ATF1: variants seen among roughly 807,000 people sequenced by gnomAD.
The protein encoded by ATF1 is cyclic AMP-dependent transcription factor ATF-1.
A neutral mutation model predicts 34.7 loss-of-function variants in ATF1; 16 were observed. That is an observed-to-expected ratio of 0.46 (90% confidence interval 0.31 to 0.70). ATF1 has a LOEUF of 0.70. Ranked by LOEUF, ATF1 falls within the 30% of genes least tolerant of loss-of-function variation. The pLI, the probability that ATF1 is intolerant of heterozygous loss-of-function variation, is 0.05. For synonymous variants in ATF1, 105 were observed against 113.1 expected (o/e 0.93, Z 0.46); for missense variants, 255 against 321.6 (o/e 0.79, Z 1.58).
At chr12:50,767,573 C>T (rs1017219007) in intron 1 of ATF1, among the ~76,000 whole-genome samples, 2 of 152,152 alleles carry the variant, frequency 1.3e-5, no homozygotes, top group African/African-American at 2.4e-5. Flanking sequence ...CAAGATGACC[C>T]AGCAAGCTGG....
rs756391850 is a variant in ATF1 at position 50,780,228 on chromosome 12, T to C, written c.83T>C (p.Ile28Thr). ...GTTCAGGGAGCTCACATTTCTCATA[T>C]TGCTCAACAGGTAAGGGAGGGACTG... is the stretch of plus-strand genomic sequence containing the variant. ...SAVQGAHISH[I>T]AQQVSSLSES... Residue 28 changes from isoleucine to threonine, a missense_variant, in exon 2 of 7, where the codon ATT becomes ACT. Ile to Thr is a moderately conservative substitution (Grantham distance 89, BLOSUM62 -1). Transcript: ENST00000262053. 3.7e-6 allele frequency: 6 copies of C among 1,611,778 alleles called. No homozygotes were observed. Among genetic ancestry groups the C allele is most frequent in the Non-Finnish European group, 5.1e-6 (6 of 1,178,104 alleles).
intron 2 of ATF1, among the ~76,000 whole-genome samples, chr12:50,782,365 C>T (rs998964753): frequency 2.6e-5 from 4 of 151,826 alleles, no homozygotes; most frequent in Non-Finnish European, 5.9e-5. Flanking sequence ...ACGCCATTCT[C>T]CTGCCTCAGC....
chr12:50,817,412 CAG>C (rs1941866060), intron 6 of ATF1, among the ~76,000 whole-genome samples: 2 of 152,158 alleles, frequency 1.3e-5, no homozygotes, highest in Admixed American at 1.3e-4. Flanking sequence ...CAAGTTGCAA[CAG>C]AATACACAAA....
chr12:50,768,728 A>G (rs1032042238), intron 1 of ATF1, among the ~76,000 whole-genome samples: 1 of 152,254 alleles, frequency 6.6e-6, no homozygotes, highest in Non-Finnish European at 1.5e-5. Context: ...CTTTTAGTTC[A>G]TGTAACTTTA....
chr12:50,788,605 C>T (rs1941237119), intron 2 of ATF1, among the ~76,000 whole-genome samples: 1 of 151,946 alleles, frequency 6.6e-6, no homozygotes. Flanking sequence ...GCCTTTGCCT[C>T]CTGAGTAGCT....
chr12:50,812,519 T>A (rs930393064), intron 4 of ATF1, among the ~76,000 whole-genome samples: 8 of 152,222 alleles, frequency 5.3e-5, no homozygotes, highest in African/African-American at 1.9e-4. Context: ...AGATTGAAAC[T>A]AATTGCTAAT....
intron 1 of ATF1, among the ~76,000 whole-genome samples, chr12:50,777,377 AGTG>A (rs1940950415): frequency 6.6e-6 from 1 of 152,270 alleles, no homozygotes; most frequent in African/African-American, 2.4e-5. Context: ...GAAAAAGACT[AGTG>A]GTGTATTTGA....
rs995154313 is a variant in ATF1 at position 50,788,457 on chromosome 12, C to T, written c.94-7452C>T. ...CACCTCAGCCTCCCAAAGTGCAGTG[C>T]TGGTATGCGTGAGCCACTGCACCTG... On this transcript the variant is annotated intron_variant, in intron 2 of 6. Transcript: ENST00000262053. 32 of 272,910 alleles carry T rather than the reference C, an allele frequency of 1.2e-4. No individual in the cohort carries two copies. In the Admixed American group the frequency reaches 1.6e-3, roughly 14 times the overall value. 16.9% of individuals were successfully genotyped at this position (272,910 alleles called of 1,614,324 possible).
chr12:50,788,375 G>T (rs1483457999), intron 2 of ATF1: 1 of 357,496 alleles, frequency 2.8e-6, no homozygotes, highest in Admixed American at 3.7e-5. Flanking sequence ...TTGTAGAGAT[G>T]GGGTTTTGCA....
chr12:50,778,828 A>C (rs1480096060), intron 1 of ATF1, among the ~76,000 whole-genome samples: 1 of 152,130 alleles, frequency 6.6e-6, no homozygotes, highest in Non-Finnish European at 1.5e-5. Context: ...CAGTCCGCCC[A>C]TATTGGCCTT....
chr12:50,806,734 G>A (rs1299160273), intron 3 of ATF1, among the ~76,000 whole-genome samples: 3 of 151,976 alleles, frequency 2.0e-5, no homozygotes, highest in Non-Finnish European at 2.9e-5. Flanking sequence ...TTGTTAAATG[G>A]ATCTGGAGCT....
chr12:50,808,901 A>G (rs571857135), intron 3 of ATF1, among the ~76,000 whole-genome samples: 1 of 151,624 alleles, frequency 6.6e-6, no homozygotes, highest in South Asian at 2.1e-4. Context: ...CACCATGCCC[A>G]GCTAATTTTT....
At chr12:50,816,751 A>G (rs1384358695) in intron 6 of ATF1, among the ~76,000 whole-genome samples, 1 of 151,796 alleles carries the variant, frequency 6.6e-6, no homozygotes, top group Non-Finnish European at 1.5e-5. Flanking sequence ...AACATTAGCT[A>G]GATGTGGTAG....
chr12:50,786,986 G>T lies in ATF1; in HGVS notation c.93+6748G>T, dbSNP rs1941198281. 2.6e-5 allele frequency among the ~76,000 whole-genome samples: 4 copies of T among 152,146 alleles called. No homozygotes were observed. The South Asian group carries it at 8.3e-4, about 32-fold the overall frequency. On this transcript the variant is annotated intron_variant, in intron 2 of 6. Transcript: ENST00000262053. ...ATACCAGCCCCACCCTAAGCAGAAA[G>T]TCATACTAGAGGAATTTGAAGCTGG...
intron 1 of ATF1, among the ~76,000 whole-genome samples, chr12:50,774,816 CG>C (rs1565900272): frequency 6.7e-6 from 1 of 149,724 alleles, no homozygotes; most frequent in African/African-American, 2.5e-5. Flanking sequence ...GGCTTGATCT[CG>C]GCTCATTGCA....
intron 2 of ATF1, among the ~76,000 whole-genome samples, chr12:50,794,624 A>C (rs907892254): frequency 5.3e-5 from 8 of 151,912 alleles, no homozygotes; most frequent in Non-Finnish European, 1.0e-4. Flanking sequence ...CAAATGTTGG[A>C]AAGTTTTAAT....
chr12:50,805,142 A>G (rs1941589552), intron 3 of ATF1, among the ~76,000 whole-genome samples: 1 of 152,060 alleles, frequency 6.6e-6, no homozygotes, highest in African/African-American at 2.4e-5. Context: ...GCAGCTGTAG[A>G]ATGAAGAAAA....
At chr12:50,813,384 AACCTT>A (rs1230582120) in intron 4 of ATF1, among the ~76,000 whole-genome samples, 1 of 152,264 alleles carries the variant, frequency 6.6e-6, no homozygotes, top group African/African-American at 2.4e-5. Context: ...CTCATTATAT[AACCTT>A]TTATTCTATT....
chr12:50,796,465 C>G (rs1024546858), intron 3 of ATF1, among the ~76,000 whole-genome samples: 1 of 152,024 alleles, frequency 6.6e-6, no homozygotes, highest in Non-Finnish European at 1.5e-5. Flanking sequence ...CTTTGGGAGG[C>G]TGAGGCGGGC....
Sources: allele counts gnomAD v4.1 joint callset (sites outside exome capture counted in the v4.1 genomes callset), GRCh38; gene constraint gnomAD v4.1.1; transcripts MANE v1.5; gene names NCBI Gene and HGNC (gene_info 2026-07-23, HGNC 2026-07-21).